TNRC18: variants seen among roughly 807,000 people sequenced by gnomAD.
The protein encoded by TNRC18 is trinucleotide repeat containing 18, also known as trinucleotide repeat-containing gene 18 protein.
A neutral mutation model predicts 226.7 loss-of-function variants in TNRC18; 69 were observed. The ratio of observed to expected loss-of-function variants is 0.30; its 90% CI spans 0.25 to 0.37. TNRC18 has a LOEUF of 0.37. Ranked by LOEUF, TNRC18 falls within the 10% of genes least tolerant of loss-of-function variation. The pLI is 1.00. For synonymous variants in TNRC18, 2,449 were observed against 1,927.6 expected, an observed-to-expected ratio of 1.27 and a Z score of -7.09; for missense variants, 4,754 against 4,256.6, an observed-to-expected ratio of 1.12 and a Z score of -3.25.
Position 5,315,999 on chromosome 7 carries a change from G to T in TNRC18, c.6819C>A (p.Pro2273=), listed in dbSNP as rs768710720. ...GGGGCAGGAGGCGGATATGTGAGAGGGGGATCCTGCCCGTGTCTCCGTCGT... is the reference window on the plus strand; with the variant it reads ...GGGGCAGGAGGCGGATATGTGAGAGTGGGATCCTGCCCGTGTCTCCGTCGT... ...EFDDGDTGRI[P]LSHIRLLPPD... The change falls in exon 25 of 30, where the codon CCC becomes CCA. Residue 2273 remains proline, a synonymous_variant. Transcript: ENST00000430969. 1.2e-6 allele frequency: 2 copies of T among 1,603,904 alleles called. No individual in the cohort carries two copies. Among genetic ancestry groups the T allele is most frequent in the Admixed American group, 3.4e-5 (2 of 58,774 alleles).
rs541401970 is a variant in TNRC18, at chr7:5,361,819, C to T, written c.4532+78G>A. ...ACACACGGCGCCGGGTCCACGCACA[C>T]CTCGACGGCTGCTGCGCGCCTGGGG... On this transcript the variant is annotated intron_variant, in intron 13 of 29. Transcript: ENST00000430969. 72 of 1,514,752 alleles carry T rather than the reference C, an allele frequency of 4.8e-5. No individual in the cohort carries two copies. The East Asian group carries it at 1.6e-3, about 34-fold the overall frequency. 93.8% of individuals were successfully genotyped at this position (1,514,752 alleles called of 1,614,324 possible). A position where few individuals can be genotyped will look rare whatever the true frequency, so the allele number is the denominator to read the frequency against.
chr7:5,406,816 A>C (rs1266077093), intron 2 of TNRC18, among the ~76,000 whole-genome samples: 5 of 150,670 alleles, frequency 3.3e-5, no homozygotes, highest in African/African-American at 1.2e-4. Context: ...GTACCACGGC[A>C]CTCCAGCCTG....
rs573260943 is a variant in TNRC18, at chr7:5,350,295, G to A, written c.5470+1524C>T. Among the ~76,000 whole-genome samples the A allele has an allele frequency of 4.9e-4, 75 of 152,194 alleles. 1 individual carries two copies. Among genetic ancestry groups the A allele is most frequent in the African/African-American group, 1.7e-3 (70 of 41,534 alleles). ...TCAGAGGGGTAGTAGCAGCCCAGGG[G>A]AACATGGGCCCCGGGGCATCGTACT... On this transcript the variant is annotated intron_variant, in intron 17 of 29. Transcript: ENST00000430969.
At chr7:5,374,933 G>A (rs1280884715) in intron 9 of TNRC18, among the ~76,000 whole-genome samples, 2 of 152,250 alleles carry the variant, frequency 1.3e-5, no homozygotes, top group Non-Finnish European at 2.9e-5. Context: ...GCAGGAGGAA[G>A]CCAGGCATGT....
In TNRC18 at chr7:5,421,342, C is replaced by G; in HGVS notation, c.-96G>C. Reference sequence around the variant, plus strand: ...GGCCTCGGCGTAGTCCCAGAGTCCTCGGGCGGCGGGGGCTCCGCGGCGTGC... The same window carrying G: ...GGCCTCGGCGTAGTCCCAGAGTCCTGGGGCGGCGGGGGCTCCGCGGCGTGC... On this transcript the variant is annotated 5_prime_UTR_variant, in exon 2 of 30. Transcript: ENST00000430969. The G allele has an allele frequency of 8.8e-7, 1 of 1,132,394 alleles. No individual in the cohort carries two copies. The highest frequency in any genetic ancestry group is 1.1e-6 in the Non-Finnish European group (1 of 901,044). The allele number at this position is 1,132,394 out of a possible 1,614,324, so 70.1% of individuals were successfully genotyped here.
chr7:5,419,827 G>C (rs1782433328), intron 2 of TNRC18: 1 of 152,242 alleles, frequency 6.6e-6, no homozygotes, highest in East Asian at 1.9e-4. Flanking sequence ...AGTTCCAGGA[G>C]AAAAATCAAA....
intron 2 of TNRC18, among the ~76,000 whole-genome samples, chr7:5,402,217 C>T (rs868439243): frequency 7.2e-6 from 1 of 138,968 alleles, no homozygotes; most frequent in African/African-American, 2.8e-5. Flanking sequence ...GCCTGGGCAA[C>T]AGAGCAAGAC....
chr7:5,325,437 T>A, intron 19 of TNRC18, 189 bp from the exon 20 acceptor site: 1 of 619,786 alleles, frequency 1.6e-6, no homozygotes, highest in Non-Finnish European at 2.6e-6. Context: ...TGTTTTTTTT[T>A]TTTTGAGACG....
In TNRC18 at chr7:5,388,858, C is replaced by G. The variant is rs991078320; in HGVS notation, c.966G>C (p.Glu322Asp). ...DEGARLLRRTETLLPGPRPCP... is the reference protein window; with the variant it reads ...DEGARLLRRTDTLLPGPRPCP... Reference sequence around the variant, plus strand: ...AGGGGCGCGGCCCAGGGAGCAGGGTCTCCGTGCGCCGCAGCAGCCGCGCGC... The same window carrying G: ...AGGGGCGCGGCCCAGGGAGCAGGGTGTCCGTGCGCCGCAGCAGCCGCGCGC... Residue 322 changes from glutamate (E) to aspartate (D), a missense_variant, in exon 5 of 30, where the codon GAG (glutamate) becomes GAC (aspartate). By Grantham distance (45) the Glu-to-Asp change is conservative. Transcript: ENST00000430969. 8.6e-6 allele frequency: 11 copies of G among 1,272,030 alleles called. No individual in the cohort carries two copies. The highest frequency in any genetic ancestry group is 1.1e-5 in the Non-Finnish European group (11 of 1,005,544). The allele number at this position is 1,272,030 out of a possible 1,614,324, so 78.8% of individuals were successfully genotyped here.
intron 17 of TNRC18, among the ~76,000 whole-genome samples, chr7:5,346,945 C>G (rs1242733987): frequency 6.6e-6 from 1 of 152,138 alleles, no homozygotes; most frequent in Non-Finnish European, 1.5e-5. Context: ...TGACTCTTCA[C>G]TCATGGGATG....
At chr7:5,401,947 G>C (rs575030010) in intron 2 of TNRC18, among the ~76,000 whole-genome samples, 1 of 150,214 alleles carries the variant, frequency 6.7e-6, no homozygotes, top group Non-Finnish European at 1.5e-5. Context: ...AGGCCGAGGC[G>C]GGCAGCTCAC....
In TNRC18 at chr7:5,312,715, G is replaced by A. The variant is rs767304513; in HGVS notation, c.8176C>T (p.Pro2726Ser). 3 of 1,574,726 alleles carry A rather than the reference G, an allele frequency of 1.9e-6. No homozygotes were observed. Among genetic ancestry groups the A allele is most frequent in the South Asian group, 2.3e-5 (2 of 86,532 alleles). ...SPGKKTPAPQ[P>S]QAPPPQPTQP... is the part of the protein sequence containing the mutation. Reference sequence around the variant, plus strand: ...GTGGGCTGCGGAGGAGGCGCCTGGGGCTGGGGCGCGGGCGTCTTCTTGCCT... The same window carrying A: ...GTGGGCTGCGGAGGAGGCGCCTGGGACTGGGGCGCGGGCGTCTTCTTGCCT... The change falls in exon 27 of 30, where the codon CCC (proline) becomes TCC (serine). Residue 2726 changes from proline (P) to serine (S), a missense_variant. By Grantham distance (74) the Pro-to-Ser change is moderately conservative (BLOSUM62 -1). Coordinates refer to ENST00000430969, the MANE Select transcript of TNRC18 (RefSeq NM_001080495.3). This position sits in a 1 kb window ranked among gnomAD's most constrained non-coding sequence, Gnocchi z 6.3.
In TNRC18 at chr7:5,345,721, G is replaced by T; in HGVS notation, c.5560C>A (p.Arg1854=). 6.5e-7 allele frequency: 1 copy of T among 1,548,308 alleles called. No homozygotes were observed. Among genetic ancestry groups the T allele is most frequent in the Non-Finnish European group, 8.7e-7 (1 of 1,146,802 alleles). The change falls in exon 18 of 30, where the codon CGG becomes AGG. Residue 1854 remains arginine (R), a synonymous_variant. Transcript: ENST00000430969. ...GGGYRLGARE[R]ALSPGLEESG... is the part of the protein sequence containing the mutation. ...TCCTCCAGGCCCGGTGACAGGGCCC[G>T]CTCCCGGGCACCCAGCCTGTAGCCA...
Position 5,387,748 on chromosome 7 carries a change from C to G in TNRC18, c.2076G>C (p.Lys692Asn). 2.5e-6 allele frequency: 4 copies of G among 1,607,508 alleles called. No individual in the cohort carries two copies. The highest frequency in any genetic ancestry group is 3.4e-6 in the Non-Finnish European group (4 of 1,179,794). Residue 692 changes from lysine (K) to asparagine (N), a missense_variant, in exon 5 of 30, where the codon AAG becomes AAC. Physicochemically the swap from Lys to Asn is moderately conservative, Grantham distance 94. Coordinates refer to ENST00000430969, the MANE Select transcript of TNRC18 (RefSeq NM_001080495.3). ...VGIAVAVARQ[K>N]DSGGSGRLGP... ...CCAGCCGGCCACTGCCGCCACTGTC[C>G]TTCTGCCGGGCCACAGCCACTGCAA... is the stretch of plus-strand genomic sequence containing the variant.
chr7:5,342,548 G>C (rs529027123), intron 18 of TNRC18, among the ~76,000 whole-genome samples: 9 of 152,314 alleles, frequency 5.9e-5, no homozygotes, highest in South Asian at 2.1e-4. Context: ...TAGAACTCAA[G>C]TTAGAGTGGA....
intron 18 of TNRC18, 60 bp from the exon 19 acceptor site, chr7:5,333,109 C>G (rs1314031068): frequency 6.6e-7 from 1 of 1,517,582 alleles, no homozygotes; most frequent in East Asian, 2.5e-5. Context: ...CCCTCCCACC[C>G]AGCCACATGG....
At chr7:5,418,097 G>A (rs905522083) in intron 2 of TNRC18, among the ~76,000 whole-genome samples, 2 of 152,176 alleles carry the variant, frequency 1.3e-5, no homozygotes, top group Admixed American at 6.5e-5. Context: ...TGGGGGCAGG[G>A]AGAATAAACA....
At chr7:5,369,200 T>A (rs2128170660) in intron 11 of TNRC18, among the ~76,000 whole-genome samples, 1 of 151,978 alleles carries the variant, frequency 6.6e-6, no homozygotes, top group Non-Finnish European at 1.5e-5. Context: ...ATACAACAAT[T>A]AGCCAGGCAT....
At chr7:5,405,595 A>C (rs904559518) in intron 2 of TNRC18, among the ~76,000 whole-genome samples, 4 of 151,742 alleles carry the variant, frequency 2.6e-5, no homozygotes, top group African/African-American at 9.7e-5. Context: ...ACAAAACAAA[A>C]AGCCAGACAT....
Sources: gnomAD v4.1 joint callset for allele counts (sites outside exome capture counted in the v4.1 genomes callset) on GRCh38, gnomAD v4.1.1 for gene constraint, Gnocchi (gnomAD v3.1) non-coding constraint, MANE v1.5 for transcripts, NCBI Gene and HGNC (gene_info 2026-07-23, HGNC 2026-07-21) for gene names.